Variants in DOK5 observed in about 807,000 individuals in gnomAD.
DOK5 encodes the protein docking protein 5, also known as downstream of tyrosine kinase 5.
Under a neutral mutation model 43.3 loss-of-function variants are expected in DOK5, and 27 were observed. The observed-to-expected ratio is 0.62, with a 90% CI of 0.46 to 0.86. DOK5 has a LOEUF of 0.86. DOK5 is among the 40% of genes least tolerant of loss of function. The pLI is 0.00. For synonymous variants in DOK5, 146 were observed against 140.1 expected, an observed-to-expected ratio of 1.04 and a Z score of -0.30; for missense variants, 373 against 392.9, an observed-to-expected ratio of 0.95 and a Z score of 0.43.
intron 2 of DOK5, among the ~76,000 whole-genome samples, chr20:54,580,512 T>A (rs1225298323): frequency 6.6e-6 from 1 of 152,142 alleles, no homozygotes; most frequent in Non-Finnish European, 1.5e-5. Flanking sequence ...TAACACTTGT[T>A]ATCTTTTAGG....
intron 2 of DOK5, among the ~76,000 whole-genome samples, chr20:54,578,340 A>G (rs1172843855): frequency 6.6e-6 from 1 of 152,162 alleles, no homozygotes; most frequent in Non-Finnish European, 1.5e-5. Flanking sequence ...AGCCGTATAG[A>G]CACTTCCGGT....
rs1216408875 is a variant in DOK5 at position 54,588,586 on chromosome 20, C to T, written c.278C>T (p.Ala93Val). The T allele has an allele frequency of 6.2e-7, 1 of 1,614,154 alleles. No individual in the cohort carries two copies. Among genetic ancestry groups the T allele is most frequent in the Non-Finnish European group, 8.5e-7 (1 of 1,179,996 alleles). The change falls in exon 3 of 8, where the codon GCT becomes GTT. Residue 93 changes from alanine to valine, a missense_variant. Coordinates refer to ENST00000262593, the MANE Select transcript of DOK5 (RefSeq NM_018431.5). ...AATGACGATACCTCCAAGACTTTTG[C>T]TTGCGAATCAGGTTTGTCTCAGGCA... The part of the protein sequence containing the change: ...YFNDDTSKTF[A>V]CESDLEADEW...
At chr20:54,528,994 C>A (rs1191297183) in intron 1 of DOK5, among the ~76,000 whole-genome samples, 1 of 152,164 alleles carries the variant, frequency 6.6e-6, no homozygotes, top group African/African-American at 2.4e-5. Context: ...GTTAAAGCAT[C>A]TTTGCATCTT....
chr20:54,502,458 C>T (rs900542048), intron 1 of DOK5, among the ~76,000 whole-genome samples: 5 of 152,144 alleles, frequency 3.3e-5, no homozygotes, highest in African/African-American at 1.2e-4. Context: ...CAGTCATTCA[C>T]ATGGCTCGAA....
intron 6 of DOK5, among the ~76,000 whole-genome samples, chr20:54,623,029 C>T (rs6014087): frequency 0.072 from 10,958 of 152,140 alleles, 442 homozygotes; most frequent in Middle Eastern, 0.13. Flanking sequence ...GTGAAGCCAG[C>T]CCCAGTGAAG....
At chr20:54,550,062 T>C (rs1475869039) in intron 1 of DOK5, among the ~76,000 whole-genome samples, 2 of 152,132 alleles carry the variant, frequency 1.3e-5, no homozygotes, top group East Asian at 3.9e-4. Flanking sequence ...AATGTTCATT[T>C]TCATGGCTGA....
chr20:54,557,184 C>T (rs1984734301), intron 2 of DOK5, among the ~76,000 whole-genome samples: 2 of 152,124 alleles, frequency 1.3e-5, no homozygotes, highest in Non-Finnish European at 2.9e-5. Context: ...GCTGCAACAC[C>T]CTCAGCCAAG....
At chr20:54,521,360 C>T (rs896159054) in intron 1 of DOK5, among the ~76,000 whole-genome samples, 8 of 152,124 alleles carry the variant, frequency 5.3e-5, no homozygotes, top group African/African-American at 9.7e-5. Flanking sequence ...CTACTTCAGA[C>T]GCCAACCACA....
chr20:54,515,774 C>T (rs528284133), intron 1 of DOK5, among the ~76,000 whole-genome samples: 13 of 152,276 alleles, frequency 8.5e-5, no homozygotes, highest in South Asian at 6.2e-4. Flanking sequence ...AAAGAGAGTA[C>T]GCAAAGATGG....
At chr20:54,499,718 G>A (rs954066075) in intron 1 of DOK5, among the ~76,000 whole-genome samples, 2 of 152,172 alleles carry the variant, frequency 1.3e-5, no homozygotes, top group Admixed American at 6.5e-5. Context: ...CACATCCACC[G>A]TTTATGGTTA....
Position 54,476,069 on chromosome 20 carries a change from G to A in DOK5, c.66+57G>A, listed in dbSNP as rs113393523. The A allele has an allele frequency of 1.5e-3, 2,473 of 1,603,118 alleles. 39 individuals carry two copies. In the African/African-American group the frequency reaches 0.026, roughly 17 times the overall value. On this transcript the variant is annotated intron_variant, in intron 1 of 7. Transcript: ENST00000262593. ...GCCGGTTCGATTGTCTCTCTCTTGA[G>A]CCAGCATCCCTGGAGGGTGGACGGA...
chr20:54,595,113 G>A (rs1023183317), intron 5 of DOK5, among the ~76,000 whole-genome samples: 4 of 152,098 alleles, frequency 2.6e-5, no homozygotes, highest in Admixed American at 1.3e-4. Flanking sequence ...AGGCCAAGGC[G>A]GGCAGATCAC....
chr20:54,648,580 C>T (rs1422535975), intron 7 of DOK5, among the ~76,000 whole-genome samples: 1 of 152,006 alleles, frequency 6.6e-6, no homozygotes, highest in African/African-American at 2.4e-5. Context: ...TGCAAAGGCC[C>T]TGAGTCAGAA....
At chr20:54,580,047 G>T (rs913874557) in intron 2 of DOK5, among the ~76,000 whole-genome samples, 3 of 151,972 alleles carry the variant, frequency 2.0e-5, no homozygotes, top group Admixed American at 2.0e-4. Context: ...TTTCTTTCTT[G>T]TGACAGTTTG....
chr20:54,600,809 G>A (rs1369212732), intron 5 of DOK5, among the ~76,000 whole-genome samples: 4 of 152,294 alleles, frequency 2.6e-5, no homozygotes, highest in Middle Eastern at 3.4e-3. Context: ...AGTTTTCCAG[G>A]CAGGCAAACA....
At chr20:54,598,645 A>G (rs948649190) in intron 5 of DOK5, among the ~76,000 whole-genome samples, 4 of 152,242 alleles carry the variant, frequency 2.6e-5, no homozygotes, top group African/African-American at 9.6e-5. Flanking sequence ...GACATTTGGC[A>G]GAACGTACTA....
intron 1 of DOK5, among the ~76,000 whole-genome samples, chr20:54,524,098 T>G (rs1983503376): frequency 6.6e-6 from 1 of 152,190 alleles, no homozygotes; most frequent in African/African-American, 2.4e-5. Flanking sequence ...CTCCCAGTTC[T>G]AGCCCAACGT....
chr20:54,622,125 C>T (rs527426294), intron 6 of DOK5, among the ~76,000 whole-genome samples: 10 of 150,594 alleles, frequency 6.6e-5, no homozygotes, highest in Admixed American at 2.0e-4. Context: ...ACCCAGGAGT[C>T]GGAGGTTGCA....
At chr20:54,552,811 T>C (rs1984575324) in intron 1 of DOK5, among the ~76,000 whole-genome samples, 1 of 152,140 alleles carries the variant, frequency 6.6e-6, no homozygotes, top group Non-Finnish European at 1.5e-5. Flanking sequence ...TTTTTCACCC[T>C]GAACAAAGCA....
Sources: gnomAD v4.1 joint callset for allele counts (sites outside exome capture counted in the v4.1 genomes callset) on GRCh38, gnomAD v4.1.1 for gene constraint, MANE v1.5 for transcripts, NCBI Gene and HGNC (gene_info 2026-07-23, HGNC 2026-07-21) for gene names.